ZBTB8A: variants seen among roughly 807,000 people sequenced by gnomAD.
ZBTB8A encodes zinc finger and BTB domain containing 8A, also known as zinc finger and BTB domain-containing protein 8A.
Under a neutral mutation model 37.8 loss-of-function variants are expected in ZBTB8A, and 19 were observed. That is an observed-to-expected ratio of 0.50 (90% CI 0.35 to 0.74). The LOEUF (loss-of-function observed/expected upper bound fraction) is 0.74. ZBTB8A is among the 30% of genes least tolerant of loss of function. The pLI is 0.01. For missense variants in ZBTB8A, 394 were observed against 537.8 expected, an observed-to-expected ratio of 0.73 and a Z score of 2.65; for synonymous variants, 181 against 185.2, an observed-to-expected ratio of 0.98 and a Z score of 0.19.
chr1:32,588,276 C>T (rs763745099), intron 2 of ZBTB8A, among the ~76,000 whole-genome samples: 10 of 151,966 alleles, frequency 6.6e-5, no homozygotes, highest in African/African-American at 1.2e-4. Context: ...CTTATGGGAC[C>T]GAGCCTTCAA....
At chr1:32,591,263 G>C (rs1644485857) in intron 2 of ZBTB8A, among the ~76,000 whole-genome samples, 1 of 151,634 alleles carries the variant, frequency 6.6e-6, no homozygotes, top group Non-Finnish European at 1.5e-5. Flanking sequence ...CTGGAGTACA[G>C]TGAGTGGCAT....
At chr1:32,550,697 G>T (rs1472741524) in intron 1 of ZBTB8A, among the ~76,000 whole-genome samples, 1 of 152,104 alleles carries the variant, frequency 6.6e-6, no homozygotes, top group Middle Eastern at 3.4e-3. Context: ...GTTGGGTCAC[G>T]CCTGTAATCC....
intron 2 of ZBTB8A, among the ~76,000 whole-genome samples, chr1:32,554,217 A>C (rs1461703351): frequency 6.6e-6 from 1 of 151,264 alleles, no homozygotes; most frequent in Admixed American, 6.6e-5. Context: ...AAAAAAAAAA[A>C]AGGGTAAAAT....
In ZBTB8A at chr1:32,592,407, G is replaced by A. The variant is rs28687055; in HGVS notation, c.-1-524G>A. On this transcript the variant is annotated intron_variant, in intron 2 of 4. Coordinates refer to ENST00000373510, the MANE Select transcript of ZBTB8A (RefSeq NM_001040441.3). ...AAAACAAAAAAAAACAGGCATGGTG[G>A]TGCACACCTGTAGTCCCAGCTACTT... 5.3e-3 allele frequency among the ~76,000 whole-genome samples: 804 copies of A among 151,992 alleles called. 6 individuals carry two copies. The highest frequency in any genetic ancestry group is 0.018 in the African/African-American group (734 of 41,464).
At chr1:32,562,287 A>G (rs1644249526) in intron 2 of ZBTB8A, among the ~76,000 whole-genome samples, 2 of 151,380 alleles carry the variant, frequency 1.3e-5, no homozygotes, top group Middle Eastern at 3.5e-3. Context: ...ATTTTTTGAG[A>G]TGGAGTTTTG....
Position 32,580,657 on chromosome 1 carries a change from C to T in ZBTB8A, c.-1-12274C>T, listed in dbSNP as rs572216438. ...AATTGATATAGTGTTTTCGGAAGGCCGTTTGTCAGTACCCACTTAACAACT... is the reference window on the plus strand; with the variant it reads ...AATTGATATAGTGTTTTCGGAAGGCTGTTTGTCAGTACCCACTTAACAACT... On this transcript the variant is annotated intron_variant, in intron 2 of 4. Coordinates refer to ENST00000373510, the MANE Select transcript of ZBTB8A (RefSeq NM_001040441.3). Among the ~76,000 whole-genome samples, 341 of 152,176 alleles carry T rather than the reference C, an allele frequency of 2.2e-3. 1 individual carries two copies. Among genetic ancestry groups the T allele is most frequent in the Non-Finnish European group, 3.6e-3 (247 of 67,996 alleles).
intron 1 of ZBTB8A, among the ~76,000 whole-genome samples, chr1:32,547,651 A>T (rs1644116997): frequency 6.7e-6 from 1 of 150,330 alleles, no homozygotes; most frequent in Admixed American, 6.6e-5. Context: ...AAAGAAAGAA[A>T]AAAAGGCAAA....
intron 2 of ZBTB8A, among the ~76,000 whole-genome samples, chr1:32,554,460 TTTTATTTATTTATTTATTTATTTA>T (rs140709969): frequency 1.2e-4 from 16 of 134,926 alleles, no homozygotes; most frequent in East Asian, 2.2e-4. Context: ...CATTTTAATC[TTTTATTTATTTATTTATTTATTTA>T]TTTATTTATT....
At chr1:32,556,358 A>C (rs1477510834) in intron 2 of ZBTB8A, among the ~76,000 whole-genome samples, 1 of 151,810 alleles carries the variant, frequency 6.6e-6, no homozygotes, top group Non-Finnish European at 1.5e-5. Flanking sequence ...GTGATCTACC[A>C]TGCCCGGCCA....
At position 32,569,386 on chromosome 1, in the gene ZBTB8A, C is replaced by CTTTTTTTT. The variant is rs563715372; in HGVS notation, c.-2+15864_-2+15871dup. On this transcript the variant is annotated intron_variant, in intron 2 of 4. Coordinates refer to ENST00000373510, the MANE Select transcript of ZBTB8A (RefSeq NM_001040441.3). ...TGGTTTGTGGTCTGGTTTTCCTTTC[C>CTTTTTTTT]TTTTTTTTTTTTTTTTTTTTTTTTT... 4.3e-4 allele frequency among the ~76,000 whole-genome samples: 35 copies of CTTTTTTTT among 82,302 alleles called. 1 individual carries two copies. Among genetic ancestry groups the CTTTTTTTT allele is most frequent in the South Asian group, 8.3e-4 (2 of 2,404 alleles). 54.0% of individuals were successfully genotyped at this position (82,302 alleles called of 152,430 possible).
At chr1:32,553,052 G>A (rs555904286) in intron 1 of ZBTB8A, among the ~76,000 whole-genome samples, 44 of 151,168 alleles carry the variant, frequency 2.9e-4, no homozygotes, top group African/African-American at 1.1e-3. Flanking sequence ...ATCTGACAGA[G>A]GCTCTTATAT....
chr1:32,570,574 A>G (rs532611849), intron 2 of ZBTB8A, among the ~76,000 whole-genome samples: 1 of 152,266 alleles, frequency 6.6e-6, no homozygotes, highest in South Asian at 2.1e-4. Context: ...TAGATTGTTT[A>G]TATTTCTCTC....
chr1:32,594,485 G>T (rs867483128), intron 3 of ZBTB8A, among the ~76,000 whole-genome samples: 1 of 151,344 alleles, frequency 6.6e-6, no homozygotes, highest in East Asian at 1.9e-4. Context: ...AATACAGGCC[G>T]GGCACAGTGG....
intron 2 of ZBTB8A, among the ~76,000 whole-genome samples, chr1:32,560,425 T>G (rs907331148): frequency 1.3e-5 from 2 of 152,038 alleles, no homozygotes; most frequent in Non-Finnish European, 2.9e-5. Context: ...TACATAAATT[T>G]CATTTATTTG....
intron 2 of ZBTB8A, among the ~76,000 whole-genome samples, chr1:32,589,568 G>A (rs1311829417): frequency 6.8e-6 from 1 of 148,132 alleles, no homozygotes; most frequent in African/African-American, 2.5e-5. Flanking sequence ...TTGTTTGTTT[G>A]AGGTGCAGTC....
At chr1:32,569,386 CTTT>C (rs563715372) in intron 2 of ZBTB8A, among the ~76,000 whole-genome samples, 1 of 82,300 alleles carries the variant, frequency 1.2e-5, no homozygotes, top group African/African-American at 5.2e-5. Flanking sequence ...TTTTCCTTTC[CTTT>C]TTTTTTTTTT....
At chr1:32,580,330 G>C (rs185301272) in intron 2 of ZBTB8A, among the ~76,000 whole-genome samples, 1 of 152,256 alleles carries the variant, frequency 6.6e-6, no homozygotes, top group East Asian at 1.9e-4. Context: ...GGCTGAGGCA[G>C]GCAGATCACT....
In ZBTB8A at chr1:32,567,955, C is replaced by T. The variant is rs528156021; in HGVS notation, c.-2+14415C>T. The stretch of plus-strand genomic sequence containing the variant: ...AGGAGTTTGAGACCAGCCTGGCTAA[C>T]ATGGTGAAACCCCGTCTCTACTAAA... On this transcript the variant is annotated intron_variant, in intron 2 of 4. Transcript: ENST00000373510. Among the ~76,000 whole-genome samples the T allele has an allele frequency of 3.3e-5, 5 of 152,008 alleles. No homozygotes were observed. In the South Asian group the frequency reaches 1.0e-3, roughly 32 times the overall value.
rs555301227 is a variant in ZBTB8A, at chr1:32,605,034, C to T, written c.*4615C>T. 6.6e-6 allele frequency: 1 copy of T among 151,316 alleles called. No individual in the cohort carries two copies. The highest frequency in any genetic ancestry group is 6.6e-5 in the Admixed American group (1 of 15,170). 9.4% of individuals were successfully genotyped at this position (151,316 alleles called of 1,614,324 possible). A position where few individuals can be genotyped will look rare whatever the true frequency, so the allele number is the denominator to read the frequency against. On this transcript the variant is annotated 3_prime_UTR_variant, in exon 5 of 5. Coordinates refer to ENST00000373510, the MANE Select transcript of ZBTB8A (RefSeq NM_001040441.3). ...GGCATGATGGTGGGTGCCTGTAATC[C>T]CAGGTACTCGGGAGGCTGAGGCAGG...
Sources: gnomAD v4.1 joint callset for allele counts (sites outside exome capture counted in the v4.1 genomes callset) on GRCh38, gnomAD v4.1.1 for gene constraint, MANE v1.5 for transcripts, NCBI Gene and HGNC (gene_info 2026-07-23, HGNC 2026-07-21) for gene names.